Variants in DOK5 observed in about 807,000 individuals in gnomAD.
DOK5 encodes downstream of tyrosine kinase 5.
Under a neutral mutation model 43.3 loss-of-function variants are expected in DOK5, and 27 were observed. That is an observed-to-expected ratio of 0.62 (90% CI 0.46 to 0.86). The LOEUF (loss-of-function observed/expected upper bound fraction) is 0.86. Among genes scored for constraint, DOK5 ranks in the 40% least tolerant of loss-of-function variants. The pLI is 0.00. For synonymous variants in DOK5, 146 were observed against 140.1 expected, an observed-to-expected ratio of 1.04 and a Z score of -0.30; for missense variants, 373 against 392.9, an observed-to-expected ratio of 0.95 and a Z score of 0.43.
At chr20:54,637,936 C>A (rs571064682) in intron 6 of DOK5, among the ~76,000 whole-genome samples, 5 of 152,248 alleles carry the variant, frequency 3.3e-5, no homozygotes, top group East Asian at 1.9e-4. Flanking sequence ...TCGTGGCTAA[C>A]ACGGTGAAAC....
intron 1 of DOK5, among the ~76,000 whole-genome samples, chr20:54,500,399 T>A (rs1409516703): frequency 6.6e-6 from 1 of 152,166 alleles, no homozygotes; most frequent in African/African-American, 2.4e-5. Context: ...ATTGTTTTGC[T>A]GAATTTTATA....
intron 1 of DOK5, among the ~76,000 whole-genome samples, chr20:54,504,615 G>A (rs1327473464): frequency 2.6e-5 from 4 of 152,172 alleles, no homozygotes; most frequent in Non-Finnish European, 4.4e-5. Flanking sequence ...GAGGATACAG[G>A]GGTGATTGGA....
chr20:54,559,694 C>T (rs1275542900), intron 2 of DOK5, among the ~76,000 whole-genome samples: 1 of 152,108 alleles, frequency 6.6e-6, no homozygotes, highest in Non-Finnish European at 1.5e-5. Context: ...AACAGCTGGG[C>T]CATGGAACTA....
chr20:54,517,976 T>C (rs574524782), intron 1 of DOK5, among the ~76,000 whole-genome samples: 25 of 152,302 alleles, frequency 1.6e-4, no homozygotes, highest in Admixed American at 5.2e-4. Context: ...CAGTTTATGA[T>C]GTTTTGTTAT....
At position 54,549,079 on chromosome 20, in the gene DOK5, G is replaced by A. The variant is rs548525556; in HGVS notation, c.67-5854G>A. Among the ~76,000 whole-genome samples, 11 of 152,320 alleles carry A rather than the reference G, an allele frequency of 7.2e-5. No individual in the cohort carries two copies. The East Asian group carries it at 1.2e-3, about 16-fold the overall frequency. On this transcript the variant is annotated intron_variant, in intron 1 of 7. Transcript: ENST00000262593. ...CCATCTCAGATGCCCGCATCGGGAA[G>A]CACTTTTAGAAGTCTTTGTCGGCAG... is the stretch of plus-strand genomic sequence containing the variant.
At chr20:54,610,769 C>T (rs947100455) in intron 6 of DOK5, among the ~76,000 whole-genome samples, 1 of 152,176 alleles carries the variant, frequency 6.6e-6, no homozygotes, top group East Asian at 1.9e-4. Flanking sequence ...AACTAATTTG[C>T]GTGTGTACAG....
intron 1 of DOK5, among the ~76,000 whole-genome samples, chr20:54,486,168 A>G (rs1981924774): frequency 6.6e-6 from 1 of 152,086 alleles, no homozygotes; most frequent in South Asian, 2.1e-4. Context: ...TAATTTTTGT[A>G]TAAGGTGTGC....
At chr20:54,597,411 T>C (rs1018324166) in intron 5 of DOK5, among the ~76,000 whole-genome samples, 3 of 152,144 alleles carry the variant, frequency 2.0e-5, no homozygotes, top group Non-Finnish European at 4.4e-5. Context: ...AATCATGTGG[T>C]TGAGAAACCC....
Position 54,526,799 on chromosome 20 carries a change from C to A in DOK5, c.67-28134C>A, listed in dbSNP as rs902128669. Among the ~76,000 whole-genome samples, 32 of 152,030 alleles carry A rather than the reference C, an allele frequency of 2.1e-4. 1 individual carries two copies. The highest frequency in any genetic ancestry group is 6.3e-3 in the Middle Eastern group (2 of 316). On this transcript the variant is annotated intron_variant, in intron 1 of 7. Coordinates refer to ENST00000262593, the MANE Select transcript of DOK5 (RefSeq NM_018431.5). ...GGGCTGTCTGTTTTCGAAAAGCAGT[C>A]TTTTTTTCCCTTTCTGAATACCAGA...
chr20:54,573,751 G>C (rs930692380), intron 2 of DOK5, among the ~76,000 whole-genome samples: 1 of 149,942 alleles, frequency 6.7e-6, no homozygotes, highest in Admixed American at 6.6e-5. Flanking sequence ...TTTCAGTAGA[G>C]TGTCTTCCAC....
intron 1 of DOK5, among the ~76,000 whole-genome samples, chr20:54,544,118 C>T (rs974461): frequency 0.24 from 36,764 of 152,130 alleles, 7,258 homozygotes; most frequent in African/African-American, 0.55. Context: ...ACATATTTTA[C>T]TTCATGATTA....
At chr20:54,595,710 A>G (rs373830674) in intron 5 of DOK5, among the ~76,000 whole-genome samples, 35 of 152,234 alleles carry the variant, frequency 2.3e-4, no homozygotes, top group African/African-American at 7.2e-4. Flanking sequence ...TGCATTGGTC[A>G]TGTTTTGCAG....
chr20:54,515,082 C>T (rs1030863066), intron 1 of DOK5, among the ~76,000 whole-genome samples: 22 of 152,070 alleles, frequency 1.4e-4, no homozygotes, highest in African/African-American at 5.1e-4. Context: ...GCGATCTTGA[C>T]TCACTGTAAT....
At chr20:54,648,038 C>T (rs1440523593) in intron 7 of DOK5, among the ~76,000 whole-genome samples, 3 of 152,154 alleles carry the variant, frequency 2.0e-5, no homozygotes, top group Non-Finnish European at 4.4e-5. Context: ...CATACATGAT[C>T]TCATTTAGAT....
Position 54,563,396 on chromosome 20 carries a change from A to G in DOK5, c.174+8356A>G, listed in dbSNP as rs142179848. On this transcript the variant is annotated intron_variant, in intron 2 of 7. Transcript: ENST00000262593. ...TTGTTTCTTGTTTTATTAACTTCCA[A>G]CATTACCAACAGATTCCTCCCCTTT... 3.5e-3 allele frequency among the ~76,000 whole-genome samples: 532 copies of G among 152,286 alleles called. 3 individuals carry two copies. Among genetic ancestry groups the G allele is most frequent in the African/African-American group, 0.012 (511 of 41,554 alleles).
At chr20:54,517,085 G>C (rs1463141585) in intron 1 of DOK5, among the ~76,000 whole-genome samples, 1 of 152,058 alleles carries the variant, frequency 6.6e-6, no homozygotes, top group East Asian at 1.9e-4. Context: ...ATAATGTTGT[G>C]TGCAAAATCC....
intron 5 of DOK5, among the ~76,000 whole-genome samples, chr20:54,605,038 CACACACACGTAT>C (rs1249555053): frequency 1.7e-4 from 24 of 144,298 alleles, no homozygotes; most frequent in African/African-American, 4.5e-4. Context: ...CACACACACA[CACACACACGTAT>C]ACACACACAC....
At chr20:54,632,622 A>G (rs919916403) in intron 6 of DOK5, among the ~76,000 whole-genome samples, 3 of 152,228 alleles carry the variant, frequency 2.0e-5, no homozygotes, top group Non-Finnish European at 4.4e-5. Context: ...GGCAGATTCT[A>G]GACTTTAACT....
intron 1 of DOK5, among the ~76,000 whole-genome samples, chr20:54,539,279 CAAAAAAAAAAAAAAAAAA>C (rs57981823): frequency 1.3e-4 from 6 of 44,730 alleles, no homozygotes; most frequent in African/African-American, 2.8e-4. Flanking sequence ...GCTCCATCTC[CAAAAAAAAAAAAAAAAAA>C]AAAAAAAAAA....
Sources: allele counts gnomAD v4.1 joint callset (sites outside exome capture counted in the v4.1 genomes callset), GRCh38; gene constraint gnomAD v4.1.1; transcripts MANE v1.5; gene names NCBI Gene and HGNC (gene_info 2026-07-23, HGNC 2026-07-21).